Variants in EXOSC7 observed in about 807,000 individuals in gnomAD.
EXOSC7 encodes the protein exosome component 7, also known as exosome complex component RRP42.
A neutral mutation model predicts 34.3 loss-of-function variants in EXOSC7; 25 were observed. The observed-to-expected ratio is 0.73, with a 90% CI of 0.53 to 1.02. EXOSC7 has a LOEUF of 1.02. Among genes scored for constraint, EXOSC7 ranks in the 50% least tolerant of loss-of-function variants. EXOSC7 has a pLI of 0.00. For missense variants in EXOSC7, 370 were observed against 368.5 expected (o/e 1.00, Z -0.03); for synonymous variants, 130 against 143.0 (o/e 0.91, Z 0.65).
At chr3:45,009,740 G>A (rs1022578960) in intron 7 of EXOSC7, among the ~76,000 whole-genome samples, 8 of 152,016 alleles carry the variant, frequency 5.3e-5, no homozygotes, top group African/African-American at 1.9e-4. Flanking sequence ...TAGAGACGGG[G>A]TTTCAGTATG....
intron 7 of EXOSC7, among the ~76,000 whole-genome samples, chr3:45,009,596 T>G (rs1483748244): frequency 1.3e-5 from 2 of 151,988 alleles, no homozygotes; most frequent in Non-Finnish European, 2.9e-5. Context: ...TCGCCCAGGC[T>G]GGAGTGCAGT....
At chr3:44,998,031 G>GTTTTTTTTTTTTTTTTTTTT (rs200353427) in intron 4 of EXOSC7, among the ~76,000 whole-genome samples, 1 of 142,778 alleles carries the variant, frequency 7.0e-6, no homozygotes. Context: ...ATTTTTTTTT[G>GTTTTTTTTTTTTTTTTTTTT]TTTTTTTGTT....
chr3:45,009,554 C>G (rs1253652468), intron 7 of EXOSC7, among the ~76,000 whole-genome samples: 3 of 151,540 alleles, frequency 2.0e-5, no homozygotes. Flanking sequence ...TTCCAAAGGC[C>G]CTTTTTTTTT....
chr3:44,986,588 G>A (rs1706423498), intron 1 of EXOSC7, among the ~76,000 whole-genome samples: 1 of 152,260 alleles, frequency 6.6e-6, no homozygotes, highest in Non-Finnish European at 1.5e-5. Flanking sequence ...TGCTGCCAAA[G>A]TGGGAGCCCA....
intron 1 of EXOSC7, among the ~76,000 whole-genome samples, chr3:44,980,488 T>C (rs1706243738): frequency 6.6e-6 from 1 of 151,116 alleles, no homozygotes; most frequent in Non-Finnish European, 1.5e-5. Flanking sequence ...GAGTCGCTTG[T>C]CAAGGTGACA....
intron 5 of EXOSC7, 84 bp downstream of exon 5, chr3:45,001,692 G>T: frequency 2.1e-6 from 2 of 964,932 alleles, no homozygotes; most frequent in Non-Finnish European, 3.4e-6. Flanking sequence ...AATTTCTATT[G>T]TAGCTCATAT....
chr3:44,983,217 A>C (rs1706318410), intron 1 of EXOSC7, among the ~76,000 whole-genome samples: 1 of 152,208 alleles, frequency 6.6e-6, no homozygotes, highest in Non-Finnish European at 1.5e-5. Flanking sequence ...TGTCACAAAC[A>C]GGAGATTGAA....
At chr3:44,998,031 G>GTTTTTTTTTTTTTTT (rs200353427) in intron 4 of EXOSC7, among the ~76,000 whole-genome samples, 1 of 142,778 alleles carries the variant, frequency 7.0e-6, no homozygotes, top group Non-Finnish European at 1.5e-5. Context: ...ATTTTTTTTT[G>GTTTTTTTTTTTTTTT]TTTTTTTGTT....
intron 4 of EXOSC7, among the ~76,000 whole-genome samples, chr3:45,000,235 C>A (rs1310464187): frequency 6.6e-6 from 1 of 152,186 alleles, no homozygotes; most frequent in Non-Finnish European, 1.5e-5. Flanking sequence ...TGGTCACAAG[C>A]CTGTCTTTTG....
At chr3:44,993,178 C>T (rs1419559446) in intron 3 of EXOSC7, among the ~76,000 whole-genome samples, 1 of 152,166 alleles carries the variant, frequency 6.6e-6, no homozygotes. Flanking sequence ...TGAGATAACT[C>T]TCGCAGACAC....
chr3:45,010,975 GCT>G (rs1445139059), intron 7 of EXOSC7, among the ~76,000 whole-genome samples: 10 of 152,204 alleles, frequency 6.6e-5, no homozygotes, highest in Non-Finnish European at 1.3e-4. Context: ...AGGCTTTGCT[GCT>G]CTCTGTTTGT....
rs748834319 is a variant in EXOSC7, at chr3:44,997,142, G to A, written c.310G>A (p.Glu104Lys). ...TAGAGGAGGTGATGACCTTGGCACC[G>A]AGATCGCTAACACCCTCTATCGGAT... Reference protein sequence around the residue: ...EGRGGDDLGTEIANTLYRIFN... With the variant: ...EGRGGDDLGTKIANTLYRIFN... Residue 104 changes from glutamate (E) to lysine (K), a missense_variant, in exon 4 of 8, where the codon GAG becomes AAG. This residue lies in a region of EXOSC7 where 255 missense variants were observed against 246.4 expected (regional missense o/e 1.03). Transcript: ENST00000265564. 7 of 1,613,372 alleles carry A rather than the reference G, an allele frequency of 4.3e-6. No homozygotes were observed. In the Admixed American group the frequency reaches 5.0e-5, roughly 12 times the overall value.
At chr3:44,977,741 T>C (rs1706137687) in intron 1 of EXOSC7, among the ~76,000 whole-genome samples, 1 of 152,382 alleles carries the variant, frequency 6.6e-6, no homozygotes, top group Middle Eastern at 3.4e-3. Flanking sequence ...ACATTACGGA[T>C]AACCGTTTTC....
chr3:44,996,974 G>A (rs1706737882), intron 3 of EXOSC7, 113 bp from the exon 4 acceptor site: 2 of 1,078,128 alleles, frequency 1.9e-6, no homozygotes. Context: ...GTGACTTTCT[G>A]TCGAGCAGCT....
chr3:44,994,891 G>GTGTGTGTGTGTGTT (rs1165643335), intron 3 of EXOSC7, among the ~76,000 whole-genome samples: 5 of 150,746 alleles, frequency 3.3e-5, no homozygotes, highest in Non-Finnish European at 7.4e-5. Flanking sequence ...GTGTGTGTGT[G>GTGTGTGTGTGTGTT]TGTGTGTGTG....
chr3:44,992,538 C>T (rs1366795042), intron 3 of EXOSC7, among the ~76,000 whole-genome samples: 1 of 152,166 alleles, frequency 6.6e-6, no homozygotes, highest in Non-Finnish European at 1.5e-5. Flanking sequence ...CCCTCACAGC[C>T]CTTTGGAAAG....
intron 3 of EXOSC7, among the ~76,000 whole-genome samples, chr3:44,994,245 TAAAA>T (rs76598308): frequency 7.3e-6 from 1 of 137,082 alleles, no homozygotes. Context: ...TGCTAAACAT[TAAAA>T]AAAAAAAAAA....
At chr3:44,978,237 T>C (rs947962135) in intron 1 of EXOSC7, among the ~76,000 whole-genome samples, 3 of 152,330 alleles carry the variant, frequency 2.0e-5, no homozygotes, top group Middle Eastern at 3.4e-3. Flanking sequence ...GATGGGAGGA[T>C]TGCTTGAGCC....
At chr3:44,990,667 A>G (rs1706544695) in intron 3 of EXOSC7, among the ~76,000 whole-genome samples, 1 of 152,222 alleles carries the variant, frequency 6.6e-6, no homozygotes, top group Non-Finnish European at 1.5e-5. Flanking sequence ...CTGCCCAGGA[A>G]AGCCCATTAG....
Sources: allele counts gnomAD v4.1 joint callset (sites outside exome capture counted in the v4.1 genomes callset), GRCh38; gene constraint gnomAD v4.1.1; regional missense constraint gnomAD v4.1.1; transcripts MANE v1.5; gene names NCBI Gene and HGNC (gene_info 2026-07-23, HGNC 2026-07-21).